Variants in C2CD3 observed in about 807,000 individuals in gnomAD.
The protein encoded by C2CD3 is C2 domain-containing protein 3.
C2CD3 carries 148 observed loss-of-function variants against 234.0 expected under a neutral mutation model. The observed-to-expected ratio is 0.63, with a 90% CI of 0.55 to 0.72. The LOEUF (loss-of-function observed/expected upper bound fraction) is 0.72, where lower values mean the gene tolerates loss of function less well. C2CD3 is among the 30% of genes least tolerant of loss of function. C2CD3 has a pLI of 0.00. For synonymous variants in C2CD3, 1,000 were observed against 1,035.4 expected (o/e 0.97, Z 0.66); for missense variants, 2,577 against 2,811.5 (o/e 0.92, Z 1.89).
chr11:74,141,979 G>A (rs2135547188), intron 3 of C2CD3, among the ~76,000 whole-genome samples: 1 of 152,156 alleles, frequency 6.6e-6, no homozygotes, highest in Admixed American at 6.5e-5. Flanking sequence ...TACAGCCTGG[G>A]CAACAGAGCA....
chr11:74,119,237 C>T (rs963636449), intron 8 of C2CD3, among the ~76,000 whole-genome samples: 3 of 152,102 alleles, frequency 2.0e-5, no homozygotes, highest in African/African-American at 7.2e-5. Flanking sequence ...CCATTCTATA[C>T]TACAAATGAT....
At chr11:74,016,228 C>T (rs1951875918) in intron 32 of C2CD3, among the ~76,000 whole-genome samples, 1 of 152,218 alleles carries the variant, frequency 6.6e-6, no homozygotes, top group Non-Finnish European at 1.5e-5. Context: ...AGCTACCCAA[C>T]AATCACAGAG....
At chr11:74,081,105 A>C (rs1019235527) in intron 22 of C2CD3, among the ~76,000 whole-genome samples, 1 of 152,168 alleles carries the variant, frequency 6.6e-6, no homozygotes, top group African/African-American at 2.4e-5. Context: ...GAAGATTGAC[A>C]ACAGAAGGAA....
rs554236022 is a variant in C2CD3 at position 74,166,886 on chromosome 11, T to A, written c.325+1458A>T. Among the ~76,000 whole-genome samples the A allele has an allele frequency of 3.9e-5, 6 of 152,334 alleles. No individual in the cohort carries two copies. The South Asian group carries it at 1.2e-3, about 32-fold the overall frequency. Reference sequence around the variant, plus strand: ...ACAATAATTCCTGACAGGTAAGTGCTATTTTTCCCAACTAACTAATAGGAA... The same window carrying A: ...ACAATAATTCCTGACAGGTAAGTGCAATTTTTCCCAACTAACTAATAGGAA... On this transcript the variant is annotated intron_variant, in intron 2 of 32. Coordinates refer to ENST00000334126, the MANE Select transcript of C2CD3 (RefSeq NM_001286577.2).
At chr11:74,165,499 A>G (rs376870147) in intron 2 of C2CD3, among the ~76,000 whole-genome samples, 2 of 152,348 alleles carry the variant, frequency 1.3e-5, no homozygotes, top group East Asian at 3.9e-4. Flanking sequence ...TGCATTTTGT[A>G]TTAAGTGAAA....
chr11:74,092,713 A>G (rs1172733063), intron 18 of C2CD3, 125 bp from the exon 19 acceptor site: 1 of 714,826 alleles, frequency 1.4e-6, no homozygotes, highest in East Asian at 2.8e-5. Context: ...GGTAGTACGC[A>G]GCTATGGTGT....
chr11:74,106,505 G>C lies in C2CD3; in HGVS notation c.1963-12C>G. 1 of 1,611,776 alleles carries C rather than the reference G, an allele frequency of 6.2e-7. No homozygotes were observed. Among genetic ancestry groups the C allele is most frequent in the Non-Finnish European group, 8.5e-7 (1 of 1,178,934 alleles). On this transcript the variant is annotated splice_polypyrimidine_tract_variant and intron_variant, in intron 12 of 32. Coordinates refer to ENST00000334126, the MANE Select transcript of C2CD3 (RefSeq NM_001286577.2). ...CCAATGACTTCTGGCTGAGAAAGAA[G>C]GAAAGAGAACATTTAGATTAATTAA...
chr11:74,044,805 G>A (rs1438660504), intron 28 of C2CD3, among the ~76,000 whole-genome samples: 1 of 151,688 alleles, frequency 6.6e-6, no homozygotes, highest in Non-Finnish European at 1.5e-5. Flanking sequence ...AGAACATGTG[G>A]TATTTGGTTT....
chr11:74,018,941 C>T (rs1951977487), intron 32 of C2CD3, among the ~76,000 whole-genome samples: 1 of 152,164 alleles, frequency 6.6e-6, no homozygotes, highest in Non-Finnish European at 1.5e-5. Context: ...CCTCTCCTTA[C>T]TCCAAGAAGC....
Position 74,057,432 on chromosome 11 carries a change from G to A in C2CD3, c.5064C>T (p.Pro1688=), listed in dbSNP as rs1954006507. 6.2e-7 allele frequency: 1 copy of A among 1,614,026 alleles called. No homozygotes were observed. Among genetic ancestry groups the A allele is most frequent in the African/African-American group, 1.3e-5 (1 of 75,026 alleles). Residue 1688 remains proline, a synonymous_variant, in exon 25 of 33, where the codon CCC becomes CCT. Coordinates refer to ENST00000334126, the MANE Select transcript of C2CD3 (RefSeq NM_001286577.2). ...TTGACTGCTGTTGAAAATTCCAGAT[G>A]GGGGAATCTGTGTTTTCAACCACTT... ...YTQVVENTDS[P]IWNFQQQSRL... is the part of the protein sequence containing the mutation.
chr11:74,084,948 C>G lies in C2CD3; in HGVS notation c.3933G>C (p.Glu1311Asp). The change falls in exon 22 of 33, where the codon GAG becomes GAC. Residue 1311 changes from glutamate (E) to aspartate (D), a missense_variant. Coordinates refer to ENST00000334126, the MANE Select transcript of C2CD3 (RefSeq NM_001286577.2). ...TKSASDIISI[E>D]SCKEYLLGVV... Reference sequence around the variant, plus strand: ...CTCCAAGCAGATACTCTTTGCATGACTCAATACTGATTATATCACTTGCTG... The same window carrying G: ...CTCCAAGCAGATACTCTTTGCATGAGTCAATACTGATTATATCACTTGCTG... 6.2e-7 allele frequency: 1 copy of G among 1,610,564 alleles called. No individual in the cohort carries two copies. Among genetic ancestry groups the G allele is most frequent in the Non-Finnish European group, 8.5e-7 (1 of 1,176,974 alleles).
intron 16 of C2CD3, among the ~76,000 whole-genome samples, chr11:74,096,593 T>A (rs56298621): frequency 0.23 from 34,358 of 151,834 alleles, 4,200 homozygotes; most frequent in East Asian, 0.3. Flanking sequence ...GAGGCATGAG[T>A]AGAGGAGGAA....
At chr11:74,131,186 G>A (rs913994261) in intron 7 of C2CD3, among the ~76,000 whole-genome samples, 2 of 151,514 alleles carry the variant, frequency 1.3e-5, no homozygotes, top group East Asian at 2.0e-4. Flanking sequence ...GGCCAGGTGC[G>A]GTGGCTCACG....
chr11:74,036,516 C>G, intron 30 of C2CD3: 1 of 456,036 alleles, frequency 2.2e-6, no homozygotes, highest in Non-Finnish European at 4.4e-6. Flanking sequence ...AAGGTTTGTA[C>G]TTAGTGTTAA....
chr11:74,106,308 A>C (rs1956516126), intron 13 of C2CD3, 63 bp downstream of exon 13: 2 of 1,552,484 alleles, frequency 1.3e-6, no homozygotes, highest in African/African-American at 2.7e-5. Context: ...CTATATCCTC[A>C]GTGCCAGCCA....
intron 2 of C2CD3, among the ~76,000 whole-genome samples, chr11:74,161,813 CTTTTTTTT>C (rs927069098): frequency 7.6e-6 from 1 of 131,894 alleles, no homozygotes; most frequent in Non-Finnish European, 1.6e-5. Flanking sequence ...TGAAGTTCTA[CTTTTTTTT>C]TTTTTTTTTT....
At chr11:74,114,171 T>C (rs183469270) in intron 10 of C2CD3, among the ~76,000 whole-genome samples, 1 of 152,348 alleles carries the variant, frequency 6.6e-6, no homozygotes, top group Non-Finnish European at 1.5e-5. Flanking sequence ...AACTGTAAGA[T>C]ATGTAAGAAC....
In C2CD3 at chr11:74,170,740, C is replaced by G; in HGVS notation, c.53G>C (p.Arg18Thr). Residue 18 changes from arginine (R) to threonine (T), a missense_variant and splice_region_variant, in exon 1 of 33, where the codon AGA becomes ACA. Coordinates refer to ENST00000334126, the MANE Select transcript of C2CD3 (RefSeq NM_001286577.2). ...GSGGSRGRKK[R>T]GLSDISPSTS... is the part of the protein sequence containing the mutation. ...CAATCTTTGATCGCTCAGGTTACCT[C>G]TTTTTTTGCGCCCACGGCTGCCCCC... 6.2e-7 allele frequency: 1 copy of G among 1,614,160 alleles called. No homozygotes were observed. The highest frequency in any genetic ancestry group is 8.5e-7 in the Non-Finnish European group (1 of 1,180,016).
At position 74,168,509 on chromosome 11, in the gene C2CD3, T is replaced by C. The variant is rs1419266475; in HGVS notation, c.160A>G (p.Lys54Glu). ...TVNRVIWKIA[K>E]PPTCVLVRVR... The stretch of plus-strand genomic sequence containing the variant: ...CGGACAAGTACACAAGTGGGAGGCT[T>C]TGCAATCTTCCATATGACTCTATTA... Residue 54 changes from lysine (K) to glutamate (E), a missense_variant, in exon 2 of 33, where the codon AAG (lysine) becomes GAG (glutamate). By Grantham distance (56) the Lys-to-Glu change is moderately conservative. Transcript: ENST00000334126. 1 of 1,614,074 alleles carries C rather than the reference T, an allele frequency of 6.2e-7. No homozygotes were observed. Among genetic ancestry groups the C allele is most frequent in the Non-Finnish European group, 8.5e-7 (1 of 1,180,026 alleles).
Sources: allele counts gnomAD v4.1 joint callset (sites outside exome capture counted in the v4.1 genomes callset), GRCh38; gene constraint gnomAD v4.1.1; transcripts MANE v1.5; gene names NCBI Gene and HGNC (gene_info 2026-07-23, HGNC 2026-07-21).